OTUD7A: variants seen among roughly 807,000 people sequenced by gnomAD.
The protein encoded by OTUD7A is OTU deubiquitinase 7A.
OTUD7A carries 12 observed loss-of-function variants against 65.7 expected under a neutral mutation model. That is an observed-to-expected ratio of 0.18 (90% CI 0.12 to 0.30). OTUD7A has a LOEUF of 0.30. OTUD7A is among the 10% of genes least tolerant of loss of function. The pLI, the probability that OTUD7A is intolerant of heterozygous loss-of-function variation, is 1.00. For synonymous variants in OTUD7A, 641 were observed against 586.3 expected (o/e 1.09, Z -1.35); for missense variants, 1,148 against 1,304.8 (o/e 0.88, Z 1.85).
At chr15:31,856,596 T>C (rs1222473696) in intron 1 of OTUD7A, among the ~76,000 whole-genome samples, 1 of 152,172 alleles carries the variant, frequency 6.6e-6, no homozygotes, top group African/African-American at 2.4e-5. Context: ...TTTCACAAAG[T>C]TTCCCCCAAA....
chr15:31,781,762 C>T (rs979043318), intron 1 of OTUD7A, among the ~76,000 whole-genome samples: 2 of 152,176 alleles, frequency 1.3e-5, no homozygotes, highest in African/African-American at 4.8e-5. Context: ...TCACCATCAT[C>T]CTATTCAGGG....
At chr15:31,535,325 C>A (rs1887761143) in intron 5 of OTUD7A, among the ~76,000 whole-genome samples, 1 of 152,300 alleles carries the variant, frequency 6.6e-6, no homozygotes, top group African/African-American at 2.4e-5. Flanking sequence ...TCTCCTGCCA[C>A]CTTGGGAAGA....
At chr15:31,682,935 G>T (rs34497772) in intron 1 of OTUD7A, among the ~76,000 whole-genome samples, 1 of 152,334 alleles carries the variant, frequency 6.6e-6, no homozygotes, top group African/African-American at 2.4e-5. Flanking sequence ...GTGACTGTGC[G>T]TGTTAAAAAG....
chr15:31,819,431 AT>A (rs1339247081), intron 1 of OTUD7A, among the ~76,000 whole-genome samples: 2 of 152,346 alleles, frequency 1.3e-5, no homozygotes, highest in South Asian at 2.1e-4. Flanking sequence ...AAGTAAAAAA[AT>A]GTAGACCTGC....
chr15:31,823,601 G>C (rs1378511595), intron 1 of OTUD7A, among the ~76,000 whole-genome samples: 6 of 152,262 alleles, frequency 3.9e-5, no homozygotes, highest in South Asian at 2.1e-4. Context: ...GTTTTCAAAG[G>C]ACACGCCTCC....
chr15:31,513,375 C>T (rs2041789770), intron 8 of OTUD7A, among the ~76,000 whole-genome samples: 1 of 152,158 alleles, frequency 6.6e-6, no homozygotes, highest in Non-Finnish European at 1.5e-5. Flanking sequence ...CGGCTACCGA[C>T]ATCAGGAATT....
At chr15:31,665,892 T>C (rs1245717932) in intron 1 of OTUD7A, among the ~76,000 whole-genome samples, 1 of 152,250 alleles carries the variant, frequency 6.6e-6, no homozygotes, top group Non-Finnish European at 1.5e-5. Context: ...TTGAATGCTT[T>C]TTCTGCATCT....
chr15:31,478,964 G>A lies in OTUD7A; in HGVS notation c.*4330C>T, dbSNP rs965249127. 6.6e-6 allele frequency: 1 copy of A among 152,440 alleles called. No individual in the cohort carries two copies. Among genetic ancestry groups the A allele is most frequent in the Admixed American group, 6.5e-5 (1 of 15,290 alleles). The allele number at this position is 152,440 out of a possible 1,614,324, so 9.4% of individuals were successfully genotyped here. A position where few individuals can be genotyped will look rare whatever the true frequency, so the allele number is the denominator to read the frequency against. On this transcript the variant is annotated 3_prime_UTR_variant, in exon 13 of 13. Transcript: ENST00000307050. ...CCAACAGACCCAGAGCTGTGGAGAG[G>A]ACACGGGCAACAGGGTGGACTTGAA...
chr15:31,809,823 C>T (rs1465505806), intron 1 of OTUD7A, among the ~76,000 whole-genome samples: 3 of 152,232 alleles, frequency 2.0e-5, no homozygotes, highest in Non-Finnish European at 4.4e-5. Context: ...AATACACAAA[C>T]AAAAGCACTT....
intron 1 of OTUD7A, among the ~76,000 whole-genome samples, chr15:31,834,595 G>GATCT (rs1312774412): frequency 1.3e-5 from 2 of 152,156 alleles, no homozygotes; most frequent in African/African-American, 4.8e-5. Context: ...CCTCTTGCTG[G>GATCT]ATCTGGTGTC....
intron 1 of OTUD7A, among the ~76,000 whole-genome samples, chr15:31,690,240 T>C (rs955569253): frequency 3.6e-4 from 55 of 152,364 alleles, no homozygotes; most frequent in African/African-American, 1.3e-3. Flanking sequence ...TCTTAACAAC[T>C]ACTTTAAGCT....
At chr15:31,860,622 G>GATAAATATATATACATATATATATAT (rs59869625) in intron 1 of OTUD7A, among the ~76,000 whole-genome samples, 1 of 26,856 alleles carries the variant, frequency 3.7e-5, no homozygotes, top group African/African-American at 8.3e-5. Context: ...CAGAAGTGGA[G>GATAAATATATATACATATATATATAT]ATATATATAT....
At chr15:31,641,525 T>C (rs898429069) in intron 3 of OTUD7A, among the ~76,000 whole-genome samples, 3 of 152,194 alleles carry the variant, frequency 2.0e-5, no homozygotes, top group African/African-American at 4.8e-5. Context: ...TAAAGCAATC[T>C]AGGGAGAACC....
intron 7 of OTUD7A, 45 bp downstream of exon 7, chr15:31,527,136 A>G: frequency 6.2e-7 from 1 of 1,611,720 alleles, no homozygotes; most frequent in Non-Finnish European, 8.5e-7. Context: ...CCGAGGCTGC[A>G]TCTGGCCTGG....
At chr15:31,596,631 C>G (rs1341088019) in intron 3 of OTUD7A, among the ~76,000 whole-genome samples, 1 of 152,136 alleles carries the variant, frequency 6.6e-6, no homozygotes, top group African/African-American at 2.4e-5. Flanking sequence ...CCACATCATT[C>G]TAATACTTCG....
intron 3 of OTUD7A, among the ~76,000 whole-genome samples, chr15:31,616,670 G>C (rs1031823636): frequency 6.6e-6 from 1 of 152,116 alleles, no homozygotes; most frequent in Non-Finnish European, 1.5e-5. Flanking sequence ...TCAGCCTCCC[G>C]AGTACTGGGA....
intron 1 of OTUD7A, among the ~76,000 whole-genome samples, chr15:31,719,153 T>C (rs879052727): frequency 1.4e-4 from 22 of 152,314 alleles, no homozygotes; most frequent in African/African-American, 4.6e-4. Context: ...AGTGCAATCA[T>C]AATTCACTGC....
intron 1 of OTUD7A, among the ~76,000 whole-genome samples, chr15:31,753,099 A>G (rs1249302465): frequency 1.3e-5 from 2 of 152,220 alleles, no homozygotes; most frequent in East Asian, 3.8e-4. Flanking sequence ...CAAAACAGTG[A>G]GGAATACAAT....
chr15:31,498,623 T>C lies in OTUD7A; in HGVS notation c.1171+3067A>G, dbSNP rs2041420933. Among the ~76,000 whole-genome samples, 1 of 152,154 alleles carries C rather than the reference T, an allele frequency of 6.6e-6. No individual in the cohort carries two copies. Among genetic ancestry groups the C allele is most frequent in the South Asian group, 2.1e-4 (1 of 4,832 alleles). On this transcript the variant is annotated intron_variant, in intron 10 of 12. Coordinates refer to ENST00000307050, the MANE Select transcript of OTUD7A (RefSeq NM_001382637.1). This position sits in a 1 kb window ranked among gnomAD's most constrained non-coding sequence, Gnocchi z 4.2. The stretch of plus-strand genomic sequence containing the variant: ...TGGGTGCTGAGAGAATGCCCAGATC[T>C]GGGTTTCACAGAGCTCCCCTGCAGG...
Sources: allele counts gnomAD v4.1 joint callset (sites outside exome capture counted in the v4.1 genomes callset), GRCh38; gene constraint gnomAD v4.1.1; non-coding constraint Gnocchi (gnomAD v3.1); transcripts MANE v1.5; gene names NCBI Gene and HGNC (gene_info 2026-07-23, HGNC 2026-07-21).